Variants in CD86 observed in about 807,000 individuals in gnomAD.
The protein encoded by CD86 is CD86 molecule.
Under a neutral mutation model 32.1 loss-of-function variants are expected in CD86, and 11 were observed. The ratio of observed to expected loss-of-function variants is 0.34; its 90% CI spans 0.22 to 0.57. CD86 has a LOEUF of 0.57. Ranked by LOEUF, CD86 falls within the 20% of genes least tolerant of loss-of-function variation. The pLI is 0.86. For missense variants in CD86, 359 were observed against 398.4 expected (o/e 0.90, Z 0.84); for synonymous variants, 137 against 135.3 (o/e 1.01, Z -0.09).
rs530346441 is a variant in CD86, at chr3:122,063,822, A to G, written c.14+8319A>G. ...CCACCTTGGCCTTCTAAAGTGCTGT[A>G]TTATAGGTGTGACCCACCGCACCTG... is the stretch of plus-strand genomic sequence containing the variant. On this transcript the variant is annotated intron_variant, in intron 1 of 6. Transcript: ENST00000330540. 6.6e-5 allele frequency among the ~76,000 whole-genome samples: 10 copies of G among 152,218 alleles called. No individual in the cohort carries two copies. In the East Asian group the frequency reaches 1.7e-3, roughly 26 times the overall value.
chr3:122,100,134 A>G (rs2072976007), intron 2 of CD86, among the ~76,000 whole-genome samples: 1 of 152,228 alleles, frequency 6.6e-6, no homozygotes, highest in Non-Finnish European at 1.5e-5. Context: ...ACAAGATCAA[A>G]GAAATTTGAG....
At chr3:122,077,958 C>T (rs748724888) in intron 1 of CD86, 4 of 985,406 alleles carry the variant, frequency 4.1e-6, no homozygotes, top group African/African-American at 1.7e-5. Context: ...TTATTCTTAC[C>T]ACCTTGCTTC....
chr3:122,068,567 G>GA (rs2072446141), intron 1 of CD86, among the ~76,000 whole-genome samples: 1 of 152,186 alleles, frequency 6.6e-6, no homozygotes, highest in Non-Finnish European at 1.5e-5. Flanking sequence ...AATATTCTCA[G>GA]ATAAAGATTG....
At chr3:122,068,719 T>G (rs1040005558) in intron 1 of CD86, among the ~76,000 whole-genome samples, 1 of 152,276 alleles carries the variant, frequency 6.6e-6, no homozygotes, top group Non-Finnish European at 1.5e-5. Context: ...TACATAGTTA[T>G]GTTATTTGTT....
chr3:122,064,067 G>C (rs1003605209), intron 1 of CD86, among the ~76,000 whole-genome samples: 1 of 151,960 alleles, frequency 6.6e-6, no homozygotes, highest in African/African-American at 2.4e-5. Context: ...AGCCAAACAA[G>C]AGAGAAAGGG....
intron 2 of CD86, 57 bp from the exon 3 acceptor site, chr3:122,103,455 G>C: frequency 8.7e-7 from 1 of 1,151,522 alleles, no homozygotes. Flanking sequence ...GAGAAATGGA[G>C]GTTTTTTCCC....
rs78100290 is a variant in CD86, at chr3:122,107,364, G to A, written c.703+864G>A. Among the ~76,000 whole-genome samples, 324 of 152,316 alleles carry A rather than the reference G, an allele frequency of 2.1e-3. 2 individuals carry two copies. The highest frequency in any genetic ancestry group is 0.01 in the Middle Eastern group (3 of 294). ...ATCAGCTGTATCTGACGTAAGTGCA[G>A]GAGGTATGTCAAAGAAAGCCTTGGA... On this transcript the variant is annotated intron_variant, in intron 4 of 6. Coordinates refer to ENST00000330540, the MANE Select transcript of CD86 (RefSeq NM_175862.5).
intron 1 of CD86, among the ~76,000 whole-genome samples, chr3:122,080,547 C>G (rs2072619129): frequency 6.6e-6 from 1 of 152,120 alleles, no homozygotes; most frequent in Admixed American, 6.6e-5. Context: ...ACCCTCTGCT[C>G]CTTCTAAATC....
chr3:122,086,068 T>A (rs887796107), intron 1 of CD86, among the ~76,000 whole-genome samples: 1 of 152,188 alleles, frequency 6.6e-6, no homozygotes, highest in Non-Finnish European at 1.5e-5. Flanking sequence ...CCCTGGAGCC[T>A]GCATTGTAGT....
intron 1 of CD86, among the ~76,000 whole-genome samples, chr3:122,079,017 A>G (rs1365932975): frequency 6.6e-6 from 1 of 152,216 alleles, no homozygotes; most frequent in Non-Finnish European, 1.5e-5. Flanking sequence ...TATTCCTAAT[A>G]TAGTTATTAA....
At chr3:122,072,685 G>A (rs1450742447) in intron 1 of CD86, among the ~76,000 whole-genome samples, 5 of 152,144 alleles carry the variant, frequency 3.3e-5, no homozygotes, top group East Asian at 1.9e-4. Context: ...TAGGTTGCCT[G>A]TTCACTCTGA....
At chr3:122,119,263 T>C (rs1050286950) in intron 6 of CD86, among the ~76,000 whole-genome samples, 175 bp from the exon 7 acceptor site, 1 of 152,234 alleles carries the variant, frequency 6.6e-6, no homozygotes, top group Non-Finnish European at 1.5e-5. Context: ...GAAGCATAGA[T>C]GACAGTGTAG....
At chr3:122,095,920 G>A (rs2072900183) in intron 2 of CD86, among the ~76,000 whole-genome samples, 1 of 152,162 alleles carries the variant, frequency 6.6e-6, no homozygotes, top group Non-Finnish European at 1.5e-5. Flanking sequence ...AGTGAAATTG[G>A]TATGGAACAG....
chr3:122,099,406 A>G (rs559862703), intron 2 of CD86, among the ~76,000 whole-genome samples: 1 of 152,316 alleles, frequency 6.6e-6, no homozygotes, highest in Admixed American at 6.5e-5. Flanking sequence ...ACTCCAAGGG[A>G]AAGAGAAACT....
intron 3 of CD86, among the ~76,000 whole-genome samples, chr3:122,105,917 G>A (rs2073083621): frequency 6.6e-6 from 1 of 152,088 alleles, no homozygotes; most frequent in Non-Finnish European, 1.5e-5. Context: ...TGGCTTCATT[G>A]TAAATCTTTG....
In CD86 at chr3:122,068,789, A is replaced by G. The variant is rs867495565; in HGVS notation, c.14+13286A>G. Among the ~76,000 whole-genome samples the G allele has an allele frequency of 2.6e-5, 4 of 152,340 alleles. No homozygotes were observed. In the Middle Eastern group the frequency reaches 0.01, roughly 389 times the overall value. On this transcript the variant is annotated intron_variant, in intron 1 of 6. Coordinates refer to ENST00000330540, the MANE Select transcript of CD86 (RefSeq NM_175862.5). The stretch of plus-strand genomic sequence containing the variant: ...AGAAGTTCTGAGATTGTAAGATTAG[A>G]TTGTAAATCCTATTGCATAACTAGA...
intron 1 of CD86, among the ~76,000 whole-genome samples, chr3:122,073,118 C>T (rs1447339459): frequency 6.8e-6 from 1 of 147,464 alleles, no homozygotes; most frequent in East Asian, 2.0e-4. Context: ...TCTGACAATA[C>T]CAAATGCTGC....
At chr3:122,096,398 G>T (rs1173600661) in intron 2 of CD86, among the ~76,000 whole-genome samples, 1 of 151,856 alleles carries the variant, frequency 6.6e-6, no homozygotes, top group East Asian at 1.9e-4. Flanking sequence ...TGTACTTTTT[G>T]ATGTTACTTC....
intron 1 of CD86, chr3:122,078,046 G>C (rs1185221051): frequency 2.0e-6 from 2 of 985,504 alleles, no homozygotes; most frequent in Non-Finnish European, 2.4e-6. Context: ...TTTGTGACAG[G>C]TATGTTTGTG....
Sources: allele counts gnomAD v4.1 joint callset (sites outside exome capture counted in the v4.1 genomes callset), GRCh38; gene constraint gnomAD v4.1.1; transcripts MANE v1.5; gene names NCBI Gene and HGNC (gene_info 2026-07-23, HGNC 2026-07-21).